The following UBR4 variants were observed in gnomAD, a reference collection of about 807,000 sequenced individuals.
The protein encoded by UBR4 is ubiquitin protein ligase E3 component n-recognin 4.
In UBR4, 124 loss-of-function variants were observed where a neutral mutation model predicts 575.6. That is an observed-to-expected ratio of 0.22 (90% CI 0.19 to 0.25). The LOEUF is 0.25. Ranked by LOEUF, UBR4 falls within the 10% of genes least tolerant of loss-of-function variation. The pLI, the probability that UBR4 is intolerant of heterozygous loss-of-function variation, is 1.00. For missense variants in UBR4, 4,818 were observed against 6,478.8 expected, an observed-to-expected ratio of 0.74 and a Z score of 8.80; for synonymous variants, 2,455 against 2,473.7, an observed-to-expected ratio of 0.99 and a Z score of 0.22.
At position 19,148,028 on chromosome 1, in the gene UBR4, G is replaced by C. The variant is rs761392194; in HGVS notation, c.7594C>G (p.Leu2532Val). 12 of 1,612,720 alleles carry C rather than the reference G, an allele frequency of 7.4e-6. No individual in the cohort carries two copies. In the Admixed American group the frequency reaches 8.3e-5, roughly 11 times the overall value. ...QQQSKSLLAS[L>V]HTSRSAYHSH... ...TGGTAGGCCGAGCGGCTGGTGTGCA[G>C]GCTGGCCAGAAGGCTCTTGGACTGC... The change falls in exon 51 of 106, where the codon CTG (leucine) becomes GTG (valine). Residue 2532 changes from leucine to valine, a missense_variant. Physicochemically the swap from Leu to Val is conservative, Grantham distance 32 (BLOSUM62 1). Coordinates refer to ENST00000375254, the MANE Select transcript of UBR4 (RefSeq NM_020765.3).
chr1:19,088,735 G>A lies in UBR4; in HGVS notation c.14430+24C>T. 2 of 1,610,668 alleles carry A rather than the reference G, an allele frequency of 1.2e-6. No individual in the cohort carries two copies. Among genetic ancestry groups the A allele is most frequent in the Non-Finnish European group, 1.7e-6 (2 of 1,178,606 alleles). On this transcript the variant is annotated intron_variant, in intron 98 of 105. Transcript: ENST00000375254. This position sits in a 1 kb window ranked among gnomAD's most constrained non-coding sequence, Gnocchi z 4.0. ...TCATCAACAGTGTGGGCAGAAATAT[G>A]GGGACTCTAGGTGGTAGCTTTACCG...
At position 19,186,560 on chromosome 1, in the gene UBR4, G is replaced by A. The variant is rs922039605; in HGVS notation, c.1730C>T (p.Thr577Met). 13 of 1,613,982 alleles carry A rather than the reference G, an allele frequency of 8.1e-6. No individual in the cohort carries two copies. The Middle Eastern group carries it at 8.3e-4, about 103-fold the overall frequency. Residue 577 changes from threonine (T) to methionine (M), a missense_variant, in exon 14 of 106, where the codon ACG becomes ATG. Around this residue, in one of 29 missense-constraint regions of UBR4, gnomAD observed 162 missense variants for 216.4 expected, o/e 0.75. Coordinates refer to ENST00000375254, the MANE Select transcript of UBR4 (RefSeq NM_020765.3). ...TCTACCTTGGCTGCTGTCCTCCTCC[G>A]TGCTACTGAAATCGTCCTCATAGTA... ...NTYYEDDFSS[T>M]EEDSSQDDDS...
At chr1:19,178,309 G>A (rs547011497) in intron 18 of UBR4, among the ~76,000 whole-genome samples, 1 of 152,340 alleles carries the variant, frequency 6.6e-6, no homozygotes, top group South Asian at 2.1e-4. Context: ...AAAAAGGAAT[G>A]AATGTAGCCA....
At chr1:19,094,445 T>C (rs2077823372) in intron 94 of UBR4, among the ~76,000 whole-genome samples, 1 of 152,182 alleles carries the variant, frequency 6.6e-6, no homozygotes, top group Admixed American at 6.5e-5. Flanking sequence ...AGCCAAATCA[T>C]TAGCACCAAT....
intron 11 of UBR4, among the ~76,000 whole-genome samples, chr1:19,190,312 A>AAAAAAAAAAAAAAAAAATATAT: frequency 1.3e-5 from 1 of 79,922 alleles, no homozygotes; most frequent in African/African-American, 5.3e-5. Flanking sequence ...AAAAAAAAAA[A>AAAAAAAAAAAAAAAAAATATAT]ATATATATAT....
At position 19,093,339 on chromosome 1, in the gene UBR4, C is replaced by T; in HGVS notation, c.14085G>A (p.Met4695Ile). ...TCTTGGCGCTAGGGATGTGCTTTTT[C>T]ATGTAGTCAAGTGCATTCTGGGTGA... ...KGITQNALDY[M>I]KKHIPSAKNL... The change falls in exon 96 of 106, where the codon ATG becomes ATA. Residue 4695 changes from methionine (M) to isoleucine (I), a missense_variant. Physicochemically the swap from Met to Ile is conservative, Grantham distance 10 (BLOSUM62 1). This residue lies in a region of UBR4 where 39 missense variants were observed against 37.5 expected (regional missense o/e 1.04). Coordinates refer to ENST00000375254, the MANE Select transcript of UBR4 (RefSeq NM_020765.3). The surrounding 1 kb of genome is among the most constrained non-coding windows in gnomAD (Gnocchi z 4.8). 6.2e-7 allele frequency: 1 copy of T among 1,613,934 alleles called. No homozygotes were observed. The highest frequency in any genetic ancestry group is 8.5e-7 in the Non-Finnish European group (1 of 1,180,006).
At chr1:19,186,418 G>T (rs558931544) in intron 14 of UBR4, 122 bp downstream of exon 14, 52 of 728,430 alleles carry the variant, frequency 7.1e-5, no homozygotes, top group Non-Finnish European at 1.0e-4. Flanking sequence ...CAAGGTCCAG[G>T]CTAAGCAGGT....
chr1:19,123,967 G>T (rs1162246253), intron 65 of UBR4, among the ~76,000 whole-genome samples: 1 of 152,194 alleles, frequency 6.6e-6, no homozygotes, highest in Non-Finnish European at 1.5e-5. Context: ...TGCCAACAGG[G>T]AGGGACACTG....
At chr1:19,164,140 C>T in intron 33 of UBR4, 113 bp downstream of exon 33, 1 of 1,297,590 alleles carries the variant, frequency 7.7e-7, no homozygotes, top group South Asian at 1.6e-5. Context: ...TCCCAAACTC[C>T]AATGAAAGGG....
rs1444831970 is a variant in UBR4, at chr1:19,143,259, G to GAAGGAAGAAAGA, written c.8179+720_8179+721insTCTTTCTTCCTT. Among the ~76,000 whole-genome samples, 236 of 91,474 alleles carry GAAGGAAGAAAGA rather than the reference G, an allele frequency of 2.6e-3. 1 individual carries two copies. The highest frequency in any genetic ancestry group is 0.013 in the Middle Eastern group (3 of 232). 60.0% of individuals were successfully genotyped at this position (91,474 alleles called of 152,430 possible). A position where few individuals can be genotyped will look rare whatever the true frequency, so the allele number is the denominator to read the frequency against. On this transcript the variant is annotated intron_variant, in intron 55 of 105. Coordinates refer to ENST00000375254, the MANE Select transcript of UBR4 (RefSeq NM_020765.3). ...GGCAGGAAGGAAGGAAGGAAGGAAGGAAGAAAGAAAGAAAGAAAGAAAGAA... is the reference window on the plus strand; with the variant it reads ...GGCAGGAAGGAAGGAAGGAAGGAAGGAAGGAAGAAAGAAAGAAAGAAAGAAAGAAAGAAAGAA...
intron 48 of UBR4, 62 bp downstream of exon 48, chr1:19,151,581 A>G (rs917678035): frequency 2.6e-6 from 4 of 1,540,364 alleles, no homozygotes; most frequent in Non-Finnish European, 9.0e-7. Context: ...GCCACAGGCC[A>G]GTGGCTCCCA....
chr1:19,155,304 A>G, intron 43 of UBR4, 137 bp downstream of exon 43: 1 of 1,091,136 alleles, frequency 9.2e-7, no homozygotes, highest in Non-Finnish European at 1.3e-6. Flanking sequence ...TTAGATGGAA[A>G]AACAAAGAAA....
rs766340163 is a variant in UBR4, at chr1:19,086,168, T to G, written c.14790A>C (p.Ser4930=). ...LPVWGPHVPE[S]AFATCLARHN... The stretch of plus-strand genomic sequence containing the variant: ...ACCTTGCCAAGCAAGTGGCAAAAGC[T>G]GATTCAGGGACATGAGGTCCCCAGA... The change falls in exon 101 of 106, where the codon TCA becomes TCC. Residue 4930 remains serine, a synonymous_variant. Coordinates refer to ENST00000375254, the MANE Select transcript of UBR4 (RefSeq NM_020765.3). The G allele has an allele frequency of 1.2e-6, 2 of 1,613,996 alleles. No homozygotes were observed. Among genetic ancestry groups the G allele is most frequent in the Non-Finnish European group, 1.7e-6 (2 of 1,180,000 alleles).
chr1:19,121,127 T>C (rs2081125720), intron 68 of UBR4, 62 bp downstream of exon 68: 3 of 1,574,074 alleles, frequency 1.9e-6, no homozygotes, highest in East Asian at 2.2e-5. Flanking sequence ...GGACAAACCA[T>C]GTGCTCCAAG....
Position 19,166,874 on chromosome 1 carries a change from C to T in UBR4, c.4109+148G>A, listed in dbSNP as rs140079601. 6,096 of 882,628 alleles carry T rather than the reference C, an allele frequency of 6.9e-3. 30 individuals carry two copies. Among genetic ancestry groups the T allele is most frequent in the Non-Finnish European group, 8.6e-3 (5,042 of 588,486 alleles). 54.7% of individuals were successfully genotyped at this position (882,628 alleles called of 1,614,324 possible). On this transcript the variant is annotated intron_variant, in intron 29 of 105. Coordinates refer to ENST00000375254, the MANE Select transcript of UBR4 (RefSeq NM_020765.3). The stretch of plus-strand genomic sequence containing the variant: ...TGACCCCACTGCACTCCACCCTGGG[C>T]GACAGAGCGAGACCATGTCTCAGAA...
At chr1:19,138,869 T>G (rs1310252394) in intron 59 of UBR4, among the ~76,000 whole-genome samples, 1 of 152,178 alleles carries the variant, frequency 6.6e-6, no homozygotes, top group Non-Finnish European at 1.5e-5. Flanking sequence ...GTAAAATATT[T>G]CAATACTAAC....
intron 11 of UBR4, 60 bp downstream of exon 11, chr1:19,192,128 T>C: frequency 6.4e-7 from 1 of 1,563,544 alleles, no homozygotes; most frequent in South Asian, 1.2e-5. Context: ...TAGCTCCCTG[T>C]AAATATAAAA....
intron 91 of UBR4, 81 bp from the exon 92 acceptor site, chr1:19,096,731 T>A: frequency 1.9e-6 from 3 of 1,541,822 alleles, no homozygotes; most frequent in Non-Finnish European, 2.6e-6. Context: ...GACAGCCCTA[T>A]TCCTGGCTGA....
chr1:19,143,266 GAAAGAAAGAAAGAAAGA>G lies in UBR4; in HGVS notation c.8179+697_8179+713del, dbSNP rs2084303599. ...AGGAAGGAAGGAAGGAAGGAAGAAA[GAAAGAAAGAAAGAAAGA>G]AAGAAAGAAAGAAAGAAAGAAAGAA... On this transcript the variant is annotated intron_variant, in intron 55 of 105. Coordinates refer to ENST00000375254, the MANE Select transcript of UBR4 (RefSeq NM_020765.3). Among the ~76,000 whole-genome samples, 14 of 54,316 alleles carry G rather than the reference GAAAGAAAGAAAGAAAGA, an allele frequency of 2.6e-4. No individual in the cohort carries two copies. The East Asian group carries it at 2.7e-3, about 11-fold the overall frequency. 35.6% of individuals were successfully genotyped at this position (54,316 alleles called of 152,430 possible). A position where few individuals can be genotyped will look rare whatever the true frequency, so the allele number is the denominator to read the frequency against.
Sources: gnomAD v4.1 joint callset for allele counts (sites outside exome capture counted in the v4.1 genomes callset) on GRCh38, gnomAD v4.1.1 for gene constraint, gnomAD v4.1.1 regional missense constraint, Gnocchi (gnomAD v3.1) non-coding constraint, MANE v1.5 for transcripts, NCBI Gene and HGNC (gene_info 2026-07-23, HGNC 2026-07-21) for gene names.